The following BTC variants were observed in gnomAD, a reference collection of about 807,000 sequenced individuals.
The protein encoded by BTC is betacellulin, also known as probetacellulin.
Under a neutral mutation model 18.1 loss-of-function variants are expected in BTC, and 13 were observed. The observed-to-expected ratio is 0.72, with a 90% CI of 0.47 to 1.14. The LOEUF (loss-of-function observed/expected upper bound fraction) is 1.14, where lower values mean the gene tolerates loss of function less well. Among genes scored for constraint, BTC ranks in the 50% most tolerant of loss-of-function variants. The probability of loss-of-function intolerance (pLI) is 0.00; values close to 1 mark genes in which losing one functional copy is unlikely to be tolerated. For missense variants in BTC, 247 were observed against 224.2 expected, an observed-to-expected ratio of 1.10 and a Z score of -0.65; for synonymous variants, 83 against 79.4, an observed-to-expected ratio of 1.05 and a Z score of -0.24.
At chr4:74,786,507 T>C (rs1246045348) in intron 1 of BTC, among the ~76,000 whole-genome samples, 1 of 152,252 alleles carries the variant, frequency 6.6e-6, no homozygotes, top group Non-Finnish European at 1.5e-5. Flanking sequence ...TCCATTTCTA[T>C]AGGAGCCGCC....
intron 1 of BTC, among the ~76,000 whole-genome samples, chr4:74,792,391 C>T (rs977266): frequency 0.52 from 79,552 of 151,990 alleles, 21,849 homozygotes; most frequent in African/African-American, 0.69. Context: ...ACTATGACAC[C>T]TCTGCTAAAA....
intron 1 of BTC, among the ~76,000 whole-genome samples, chr4:74,791,186 A>G (rs1353727025): frequency 4.6e-5 from 7 of 152,108 alleles, no homozygotes; most frequent in African/African-American, 1.7e-4. Context: ...TTCAAAAAAT[A>G]CAATAATTAG....
At position 74,745,840 on chromosome 4, in the gene BTC, C is replaced by T. The variant is rs919200698; in HGVS notation, c.*837G>A. On this transcript the variant is annotated 3_prime_UTR_variant, in exon 6 of 6. Transcript: ENST00000395743. ...TTTACTTTTCCATCTCTATTCATTT[C>T]CCTAGTTATGGGGCCAATCTATTTG... is the stretch of plus-strand genomic sequence containing the variant. 8 of 152,124 alleles carry T rather than the reference C, an allele frequency of 5.3e-5. No homozygotes were observed. The highest frequency in any genetic ancestry group is 1.9e-4 in the African/African-American group (8 of 41,416). The allele number at this position is 152,124 out of a possible 1,614,324, so 9.4% of individuals were successfully genotyped here. A position where few individuals can be genotyped will look rare whatever the true frequency, so the allele number is the denominator to read the frequency against.
In BTC at chr4:74,745,007, G is replaced by A. The variant is rs191460212; in HGVS notation, c.*1670C>T. ...AGTCCAGGAAAAAAGAAACATTAAA[G>A]CATTGTTTTGTGTTTTTAAAAGCTC... is the stretch of plus-strand genomic sequence containing the variant. On this transcript the variant is annotated 3_prime_UTR_variant, in exon 6 of 6. Transcript: ENST00000395743. 3.9e-5 allele frequency: 6 copies of A among 152,252 alleles called. No individual in the cohort carries two copies. The highest frequency in any genetic ancestry group is 2.6e-4 in the Admixed American group (4 of 15,284). The allele number at this position is 152,252 out of a possible 1,614,324, so 9.4% of individuals were successfully genotyped here.
At chr4:74,775,152 A>G (rs922015375) in intron 1 of BTC, among the ~76,000 whole-genome samples, 1 of 152,172 alleles carries the variant, frequency 6.6e-6, no homozygotes, top group Non-Finnish European at 1.5e-5. Flanking sequence ...TCTAGAGGGC[A>G]GTAGATGAGG....
chr4:74,782,140 G>T (rs950791655), intron 1 of BTC, among the ~76,000 whole-genome samples: 3 of 151,966 alleles, frequency 2.0e-5, no homozygotes, highest in Non-Finnish European at 4.4e-5. Context: ...AGGGGTACAT[G>T]TGCAGGATAT....
chr4:74,755,865 G>A lies in BTC; in HGVS notation c.275C>T (p.Ser92Phe). ...CTGAGGACACTCCACTTACACACAG[G>A]AGGGCGTCTGCTCGGCCACCACGAA... ...CRFVVAEQTPSCVCDEGYIGA... is the reference protein window; with the variant it reads ...CRFVVAEQTPFCVCDEGYIGA... The change falls in exon 3 of 6, where the codon TCC becomes TTC. Residue 92 changes from serine to phenylalanine, a missense_variant. Transcript: ENST00000395743. The A allele has an allele frequency of 6.2e-7, 1 of 1,614,020 alleles. No individual in the cohort carries two copies. Among genetic ancestry groups the A allele is most frequent in the Non-Finnish European group, 8.5e-7 (1 of 1,179,932 alleles).
chr4:74,764,396 A>G (rs905271383), intron 2 of BTC, among the ~76,000 whole-genome samples: 4 of 152,192 alleles, frequency 2.6e-5, no homozygotes, highest in South Asian at 4.1e-4. Context: ...ATTGATGGGC[A>G]TAGACCAAAA....
At chr4:74,785,446 T>G (rs183610073) in intron 1 of BTC, among the ~76,000 whole-genome samples, 1 of 152,146 alleles carries the variant, frequency 6.6e-6, no homozygotes, top group Non-Finnish European at 1.5e-5. Context: ...TCTTGGGTAT[T>G]TTTTTGTCTT....
chr4:74,785,846 A>T (rs1725464440), intron 1 of BTC, among the ~76,000 whole-genome samples: 1 of 152,124 alleles, frequency 6.6e-6, no homozygotes, highest in South Asian at 2.1e-4. Flanking sequence ...TGTGTTTCAT[A>T]TCCTACTCTA....
rs188932596 is a variant in BTC at position 74,759,647 on chromosome 4, A to C, written c.164-3671T>G. Among the ~76,000 whole-genome samples the C allele has an allele frequency of 1.2e-3, 176 of 142,866 alleles. 1 individual carries two copies. The highest frequency in any genetic ancestry group is 4.3e-3 in the African/African-American group (173 of 40,204). The allele number at this position is 142,866 out of a possible 152,430, so 93.7% of individuals were successfully genotyped here. On this transcript the variant is annotated intron_variant, in intron 2 of 5. Transcript: ENST00000395743. ...AAGTATAAATATAAATAAAGACATG[A>C]CATTTAAGTTAAAAAAAAAAAAAGA...
intron 2 of BTC, among the ~76,000 whole-genome samples, chr4:74,765,149 A>C (rs1227568268): frequency 8.6e-6 from 1 of 116,512 alleles, no homozygotes; most frequent in Non-Finnish European, 1.7e-5. Flanking sequence ...ATCCTAAAGA[A>C]AGAAAAAAAA....
intron 1 of BTC, among the ~76,000 whole-genome samples, chr4:74,774,696 G>C (rs1030640212): frequency 6.9e-6 from 1 of 144,718 alleles, no homozygotes; most frequent in Admixed American, 6.6e-5. Context: ...GGTGGGTGGG[G>C]ATTGTGATGG....
At chr4:74,756,549 A>G (rs1175482463) in intron 2 of BTC, among the ~76,000 whole-genome samples, 1 of 152,210 alleles carries the variant, frequency 6.6e-6, no homozygotes, top group Non-Finnish European at 1.5e-5. Context: ...TAGAAAGTGG[A>G]AAAACTGGGA....
At chr4:74,759,916 C>T (rs7677449) in intron 2 of BTC, among the ~76,000 whole-genome samples, 93,658 of 151,966 alleles carry the variant, frequency 0.62, 28,950 homozygotes, top group East Asian at 0.67. Flanking sequence ...CTCAATTTGA[C>T]GGATGTTTTG....
intron 4 of BTC, among the ~76,000 whole-genome samples, 165 bp from the exon 5 acceptor site, chr4:74,748,314 C>A (rs1049506517): frequency 6.6e-6 from 1 of 151,954 alleles, no homozygotes; most frequent in Non-Finnish European, 1.5e-5. Flanking sequence ...TTTGGGAGGC[C>A]GAGGCAGGTG....
At chr4:74,786,509 G>C (rs943645809) in intron 1 of BTC, among the ~76,000 whole-genome samples, 1 of 152,178 alleles carries the variant, frequency 6.6e-6, no homozygotes, top group Admixed American at 6.5e-5. Context: ...CATTTCTATA[G>C]GAGCCGCCAA....
intron 2 of BTC, among the ~76,000 whole-genome samples, chr4:74,768,747 C>T (rs1430777419): frequency 6.6e-6 from 1 of 151,966 alleles, no homozygotes; most frequent in African/African-American, 2.4e-5. Context: ...AATGTTCTTA[C>T]TACAATAAAA....
chr4:74,751,577 C>T (rs369480541), intron 3 of BTC, among the ~76,000 whole-genome samples: 2 of 152,090 alleles, frequency 1.3e-5, no homozygotes, highest in Non-Finnish European at 2.9e-5. Context: ...GTCAATCTGC[C>T]TTAGGATACA....
Sources: gnomAD v4.1 joint callset for allele counts (sites outside exome capture counted in the v4.1 genomes callset) on GRCh38, gnomAD v4.1.1 for gene constraint, MANE v1.5 for transcripts, NCBI Gene and HGNC (gene_info 2026-07-23, HGNC 2026-07-21) for gene names.